LPP: variants seen among roughly 807,000 people sequenced by gnomAD.
The protein encoded by LPP is lipoma-preferred partner.
In LPP, 38 loss-of-function variants were observed where a neutral mutation model predicts 60.4. That is an observed-to-expected ratio of 0.63 (90% confidence interval 0.49 to 0.83). The LOEUF (loss-of-function observed/expected upper bound fraction) is 0.83, where lower values mean the gene tolerates loss of function less well. Ranked by LOEUF, LPP falls within the 40% of genes least tolerant of loss-of-function variation. The probability of loss-of-function intolerance (pLI) is 0.00; values close to 1 mark genes in which losing one functional copy is unlikely to be tolerated. For synonymous variants in LPP, 328 were observed against 290.8 expected, an observed-to-expected ratio of 1.13 and a Z score of -1.30; for missense variants, 902 against 783.6, an observed-to-expected ratio of 1.15 and a Z score of -1.80.
At chr3:188,480,131 A>C (rs1466906936) in intron 4 of LPP, among the ~76,000 whole-genome samples, 2 of 152,166 alleles carry the variant, frequency 1.3e-5, no homozygotes, top group Non-Finnish European at 2.9e-5. Flanking sequence ...TAAAAGGGAG[A>C]GCTTGAGAAA....
chr3:188,820,222 C>T (rs186690053), intron 9 of LPP, among the ~76,000 whole-genome samples: 23 of 152,134 alleles, frequency 1.5e-4, no homozygotes, highest in Admixed American at 1.3e-3. Flanking sequence ...CCCTTTGGAA[C>T]TTCTTTACTA....
At chr3:188,166,265 C>A (rs968440842) in intron 1 of LPP, among the ~76,000 whole-genome samples, 1 of 151,892 alleles carries the variant, frequency 6.6e-6, no homozygotes, top group South Asian at 2.1e-4. Context: ...ATCCATTTGG[C>A]TCCTCAGGAT....
At chr3:188,682,916 T>A (rs1859847598) in intron 7 of LPP, among the ~76,000 whole-genome samples, 1 of 151,842 alleles carries the variant, frequency 6.6e-6, no homozygotes, top group South Asian at 2.1e-4. Context: ...AAAATAGAGG[T>A]GGGGCAGCCA....
At chr3:188,552,965 A>G (rs1304585366) in intron 6 of LPP, among the ~76,000 whole-genome samples, 1 of 152,166 alleles carries the variant, frequency 6.6e-6, no homozygotes. Flanking sequence ...CACAACGTTA[A>G]TGCATGGAGG....
At chr3:188,198,432 T>C (rs1333505296) in intron 1 of LPP, among the ~76,000 whole-genome samples, 1 of 152,230 alleles carries the variant, frequency 6.6e-6, no homozygotes, top group Non-Finnish European at 1.5e-5. Flanking sequence ...TGCTGTTCTG[T>C]AGACTTGAAT....
intron 4 of LPP, among the ~76,000 whole-genome samples, chr3:188,457,719 T>G: frequency 9.6e-6 from 1 of 104,680 alleles, no homozygotes; most frequent in East Asian, 2.8e-4. Flanking sequence ...GATGAAACAC[T>G]GTCTCTACTA....
rs1770602461 is a variant in LPP, at chr3:188,885,920, G to A, written c.*11441G>A. 6.6e-6 allele frequency: 1 copy of A among 151,942 alleles called. No individual in the cohort carries two copies. The highest frequency in any genetic ancestry group is 2.1e-4 in the South Asian group (1 of 4,828). The allele number at this position is 151,942 out of a possible 1,614,324, so 9.4% of individuals were successfully genotyped here. A position where few individuals can be genotyped will look rare whatever the true frequency, so the allele number is the denominator to read the frequency against. Reference sequence around the variant, plus strand: ...GTGAGCATTTTTTCATGTGTTTCTTGGCTGCATAAATGTCTTCTTTTGAGA... The same window carrying A: ...GTGAGCATTTTTTCATGTGTTTCTTAGCTGCATAAATGTCTTCTTTTGAGA... On this transcript the variant is annotated 3_prime_UTR_variant, in exon 12 of 12. Coordinates refer to ENST00000617246, the MANE Select transcript of LPP (RefSeq NM_001375462.1).
At chr3:188,647,894 AT>A (rs967194289) in intron 7 of LPP, among the ~76,000 whole-genome samples, 40 of 152,310 alleles carry the variant, frequency 2.6e-4, no homozygotes, top group African/African-American at 9.1e-4. Flanking sequence ...GCTGTGGGAT[AT>A]GGTCAGCACA....
chr3:188,482,051 T>TG (rs1374807878), intron 4 of LPP, among the ~76,000 whole-genome samples: 1 of 152,104 alleles, frequency 6.6e-6, no homozygotes, highest in African/African-American at 2.4e-5. Context: ...TGATAGTGAG[T>TG]GTGTTCTCAC....
chr3:188,262,391 T>C (rs144984079), intron 2 of LPP, among the ~76,000 whole-genome samples: 5 of 152,094 alleles, frequency 3.3e-5, no homozygotes, highest in African/African-American at 4.8e-5. Flanking sequence ...TACAGGAAAC[T>C]ATAAAATGAA....
At position 188,609,178 on chromosome 3, in the gene LPP, A is replaced by G. The variant is rs1405154958; in HGVS notation, c.447A>G (p.Thr149=). The part of the protein sequence containing the change: ...PRPPQSSTGS[T]ASPPVSTPVT... ...CTTTTTAGAGCTCCACTGGTTCAAC[A>G]GCCTCTCCTCCAGTTTCGACCCCAG... is the stretch of plus-strand genomic sequence containing the variant. Residue 149 remains threonine, a synonymous_variant, in exon 7 of 12, where the codon ACA becomes ACG. Coordinates refer to ENST00000617246, the MANE Select transcript of LPP (RefSeq NM_001375462.1). This position sits in a 1 kb window ranked among gnomAD's most constrained non-coding sequence, Gnocchi z 6.9. The G allele has an allele frequency of 6.2e-7, 1 of 1,609,474 alleles. No individual in the cohort carries two copies.
chr3:188,377,580 C>T (rs1428496187), intron 3 of LPP, among the ~76,000 whole-genome samples: 4 of 152,182 alleles, frequency 2.6e-5, no homozygotes, highest in Non-Finnish European at 4.4e-5. Flanking sequence ...GACTTCTCTG[C>T]ATTGGTTATT....
intron 2 of LPP, among the ~76,000 whole-genome samples, chr3:188,299,212 G>A (rs886507313): frequency 2.6e-5 from 4 of 152,156 alleles, no homozygotes; most frequent in African/African-American, 9.7e-5. Context: ...CGTGGAGACT[G>A]TGTTCTAACA....
chr3:188,647,595 G>A lies in LPP; in HGVS notation c.1113+37751G>A, dbSNP rs142374645. On this transcript the variant is annotated intron_variant, in intron 7 of 11. Transcript: ENST00000617246. Reference sequence around the variant, plus strand: ...GTACTTTCAAGAGACAATAAAGGAGGTGTGGATGTGAGACAGAGAGTGCAT... The same window carrying A: ...GTACTTTCAAGAGACAATAAAGGAGATGTGGATGTGAGACAGAGAGTGCAT... Among the ~76,000 whole-genome samples the A allele has an allele frequency of 9.5e-4, 145 of 152,276 alleles. 2 individuals are homozygous for A. Among genetic ancestry groups the A allele is most frequent in the South Asian group, 7.7e-3 (37 of 4,820 alleles).
intron 7 of LPP, among the ~76,000 whole-genome samples, chr3:188,652,472 A>G (rs1056766843): frequency 6.6e-6 from 1 of 152,092 alleles, no homozygotes; most frequent in African/African-American, 2.4e-5. Context: ...AGGGAGGAGA[A>G]TCTGTTCAAT....
intron 6 of LPP, among the ~76,000 whole-genome samples, chr3:188,592,473 C>T (rs6444309): frequency 0.95 from 143,602 of 151,404 alleles, 68,601 homozygotes; most frequent in East Asian, 1. Flanking sequence ...AAGTTTTGAA[C>T]GAGTGTTTTT....
At chr3:188,512,374 A>G (rs996933009) in intron 5 of LPP, among the ~76,000 whole-genome samples, 1 of 152,126 alleles carries the variant, frequency 6.6e-6, no homozygotes, top group African/African-American at 2.4e-5. Context: ...CCTGGCTAAC[A>G]TGATGAAACC....
intron 3 of LPP, among the ~76,000 whole-genome samples, chr3:188,355,101 TG>T (rs1487454124): frequency 6.6e-6 from 1 of 152,042 alleles, no homozygotes; most frequent in Non-Finnish European, 1.5e-5. Flanking sequence ...CTCCACCTCC[TG>T]GGTTCAAGCG....
At chr3:188,248,148 C>A (rs1727681236) in intron 2 of LPP, among the ~76,000 whole-genome samples, 1 of 151,904 alleles carries the variant, frequency 6.6e-6, no homozygotes, top group African/African-American at 2.4e-5. Context: ...CCCTGACACC[C>A]AAGTGAAAAC....
Sources: gnomAD v4.1 joint callset for allele counts (sites outside exome capture counted in the v4.1 genomes callset) on GRCh38, gnomAD v4.1.1 for gene constraint, Gnocchi (gnomAD v3.1) non-coding constraint, MANE v1.5 for transcripts, NCBI Gene and HGNC (gene_info 2026-07-23, HGNC 2026-07-21) for gene names.